SYNPR: variants seen among roughly 807,000 people sequenced by gnomAD.
SYNPR encodes synaptoporin.
Under a neutral mutation model 32.9 loss-of-function variants are expected in SYNPR, and 23 were observed. The ratio of observed to expected loss-of-function variants is 0.70; its 90% CI spans 0.50 to 0.99. SYNPR has a LOEUF of 0.99. SYNPR is among the 50% of genes least tolerant of loss of function. The pLI, the probability that SYNPR is intolerant of heterozygous loss-of-function variation, is 0.00. For synonymous variants in SYNPR, 146 were observed against 135.9 expected (o/e 1.07, Z -0.52); for missense variants, 318 against 349.3 (o/e 0.91, Z 0.71).
In SYNPR at chr3:63,517,466, C is replaced by T. The variant is rs188584093; in HGVS notation, c.209+36510C>T. Among the ~76,000 whole-genome samples the T allele has an allele frequency of 1.1e-4, 17 of 152,144 alleles. No individual in the cohort carries two copies. In the East Asian group the frequency reaches 2.9e-3, roughly 26 times the overall value. ...GAAAAGCACAAAAAAGATAGAAAAA[C>T]GGACACTTCTAGTATAGACATCAAT... On this transcript the variant is annotated intron_variant, in intron 3 of 5. Coordinates refer to ENST00000478300, the MANE Select transcript of SYNPR (RefSeq NM_001130003.2).
chr3:63,501,919 A>G (rs1167887183), intron 3 of SYNPR, among the ~76,000 whole-genome samples: 1 of 152,212 alleles, frequency 6.6e-6, no homozygotes, highest in Non-Finnish European at 1.5e-5. Flanking sequence ...TACACTAGCT[A>G]CATGCACTTG....
chr3:63,313,337 T>G (rs1272441509), intron 2 of SYNPR, among the ~76,000 whole-genome samples: 1 of 151,664 alleles, frequency 6.6e-6, no homozygotes, highest in East Asian at 2.0e-4. Context: ...TACACTGCAC[T>G]GTTGTAGTCT....
intron 2 of SYNPR, among the ~76,000 whole-genome samples, chr3:63,292,271 A>G (rs1437323479): frequency 6.6e-6 from 1 of 152,218 alleles, no homozygotes; most frequent in Non-Finnish European, 1.5e-5. Context: ...ATAATGTGAT[A>G]TTTCAATACA....
chr3:63,450,996 G>A (rs1700371079), intron 2 of SYNPR, among the ~76,000 whole-genome samples: 1 of 152,116 alleles, frequency 6.6e-6, no homozygotes, highest in Non-Finnish European at 1.5e-5. Flanking sequence ...TGCAAAGAGA[G>A]GAAATAGGTC....
chr3:63,432,177 C>A (rs768505547), intron 2 of SYNPR, among the ~76,000 whole-genome samples: 5 of 152,216 alleles, frequency 3.3e-5, no homozygotes, highest in Non-Finnish European at 7.3e-5. Context: ...ACCACAGGCA[C>A]CTGCTCATGG....
chr3:63,372,247 C>T (rs563148936), intron 2 of SYNPR, among the ~76,000 whole-genome samples: 5 of 152,250 alleles, frequency 3.3e-5, no homozygotes, highest in Admixed American at 3.3e-4. Flanking sequence ...CCAGTCACTC[C>T]TCCCTGTGAG....
At position 63,278,405 on chromosome 3, in the gene SYNPR, C is replaced by CT. The variant is rs2086596080; in HGVS notation, c.-129_-128insT. 1 of 1,265,864 alleles carries CT rather than the reference C, an allele frequency of 7.9e-7. No homozygotes were observed. The highest frequency in any genetic ancestry group is 2.6e-5 in the East Asian group (1 of 38,738). 78.4% of individuals were successfully genotyped at this position (1,265,864 alleles called of 1,614,324 possible). A position where few individuals can be genotyped will look rare whatever the true frequency, so the allele number is the denominator to read the frequency against. ...GGCTCCCCGAGGCCCCCTGCCCTCG[C>CT]CGGGCTGCTCCAGGGTGTCGCTCCT... On this transcript the variant is annotated 5_prime_UTR_variant, in exon 1 of 6. Coordinates refer to ENST00000478300, the MANE Select transcript of SYNPR (RefSeq NM_001130003.2).
chr3:63,256,148 G>T (rs563251576), intron 2 of SYNPR, among the ~76,000 whole-genome samples: 176 of 152,340 alleles, frequency 1.2e-3, no homozygotes, highest in African/African-American at 3.9e-3. Context: ...TGGGGGCAGG[G>T]CATAGCGAAA....
intron 2 of SYNPR, among the ~76,000 whole-genome samples, chr3:63,341,899 T>C (rs933299938): frequency 2.0e-5 from 3 of 152,178 alleles, no homozygotes; most frequent in African/African-American, 7.2e-5. Context: ...TGTCATGGAT[T>C]GTGTTTTTGG....
intron 2 of SYNPR, among the ~76,000 whole-genome samples, chr3:63,479,403 A>G (rs1700997479): frequency 6.6e-6 from 1 of 151,614 alleles, no homozygotes; most frequent in Admixed American, 6.6e-5. Context: ...CATTTTAAAA[A>G]TACAGATTTT....
intron 1 of SYNPR, among the ~76,000 whole-genome samples, chr3:63,230,733 A>T (rs188326707): frequency 7.2e-4 from 110 of 152,302 alleles, no homozygotes; most frequent in Admixed American, 2.8e-3. Flanking sequence ...CATCTATAAA[A>T]TGGGGATAAT....
chr3:63,275,762 A>G (rs868484747), upstream of SYNPR, among the ~76,000 whole-genome samples: 4 of 152,196 alleles, frequency 2.6e-5, no homozygotes, highest in Non-Finnish European at 1.5e-5. Flanking sequence ...ACTTAGCACA[A>G]TGCCTGGCAG....
the SYNPR span, among the ~76,000 whole-genome samples, chr3:63,203,691 C>T: frequency 6.6e-6 from 1 of 152,132 alleles, no homozygotes; most frequent in East Asian, 1.9e-4. Flanking sequence ...ACACTACTGC[C>T]TCATTGCTTA....
intron 2 of SYNPR, among the ~76,000 whole-genome samples, chr3:63,351,146 A>T (rs1182599307): frequency 6.6e-6 from 1 of 152,184 alleles, no homozygotes; most frequent in Non-Finnish European, 1.5e-5. Flanking sequence ...AACATCTCAG[A>T]AGCCAGAATT....
chr3:63,300,996 G>A (rs1260022615), intron 2 of SYNPR, among the ~76,000 whole-genome samples: 1 of 152,086 alleles, frequency 6.6e-6, no homozygotes, highest in African/African-American at 2.4e-5. Flanking sequence ...GACGTAGAGT[G>A]TTGGAAATAG....
At chr3:63,246,281 T>C (rs969404206) in intron 1 of SYNPR, among the ~76,000 whole-genome samples, 1 of 152,034 alleles carries the variant, frequency 6.6e-6, no homozygotes, top group Non-Finnish European at 1.5e-5. Context: ...CTCCCTGGAG[T>C]CCCCCAGATA....
intron 1 of SYNPR, 61 bp from the exon 2 acceptor site, chr3:63,278,616 G>C: frequency 6.4e-7 from 1 of 1,550,532 alleles, no homozygotes; most frequent in Non-Finnish European, 8.7e-7. Context: ...CGGCTTGGGA[G>C]AGGCGCCCCC....
At chr3:63,355,342 G>C (rs2087563782) in intron 2 of SYNPR, among the ~76,000 whole-genome samples, 1 of 151,562 alleles carries the variant, frequency 6.6e-6, no homozygotes, top group Non-Finnish European at 1.5e-5. Context: ...ATCAGAGTCT[G>C]CTGCAGTGAG....
chr3:63,485,650 G>T lies in SYNPR; in HGVS notation c.209+4694G>T, dbSNP rs186013278. 5.6e-3 allele frequency among the ~76,000 whole-genome samples: 856 copies of T among 152,232 alleles called. 4 individuals are homozygous for T. Among genetic ancestry groups the T allele is most frequent in the Non-Finnish European group, 8.0e-3 (546 of 68,016 alleles). On this transcript the variant is annotated intron_variant, in intron 3 of 5. Coordinates refer to ENST00000478300, the MANE Select transcript of SYNPR (RefSeq NM_001130003.2). ...CTTAAGTCTTCAAAATATGATATTTGTGAAGAAAGAGACTAAGTTTGTTAA... is the reference window on the plus strand; with the variant it reads ...CTTAAGTCTTCAAAATATGATATTTTTGAAGAAAGAGACTAAGTTTGTTAA...
Sources: allele counts gnomAD v4.1 joint callset (sites outside exome capture counted in the v4.1 genomes callset), GRCh38; gene constraint gnomAD v4.1.1; transcripts MANE v1.5; gene names NCBI Gene and HGNC (gene_info 2026-07-23, HGNC 2026-07-21).